Variants in PPP2CA observed in about 807,000 individuals in gnomAD.
PPP2CA encodes serine/threonine-protein phosphatase 2A catalytic subunit alpha isoform.
Under a neutral mutation model 38.8 loss-of-function variants are expected in PPP2CA, and 5 were observed. The ratio of observed to expected loss-of-function variants is 0.13; its 90% CI spans 0.07 to 0.27. The LOEUF (loss-of-function observed/expected upper bound fraction) is 0.27, where lower values mean the gene tolerates loss of function less well. Among genes scored for constraint, PPP2CA ranks in the 10% least tolerant of loss-of-function variants. The pLI, the probability that PPP2CA is intolerant of heterozygous loss-of-function variation, is 1.00. For missense variants in PPP2CA, 88 were observed against 389.7 expected, an observed-to-expected ratio of 0.23 and a Z score of 6.52; for synonymous variants, 152 against 134.0, an observed-to-expected ratio of 1.13 and a Z score of -0.93.
chr5:134,196,036 G>C lies in PPP2CA; in HGVS notation c.*1736C>G, dbSNP rs968998836. 7 of 152,190 alleles carry C rather than the reference G, an allele frequency of 4.6e-5. No homozygotes were observed. The highest frequency in any genetic ancestry group is 2.6e-4 in the Admixed American group (4 of 15,280). The allele number at this position is 152,190 out of a possible 1,614,324, so 9.4% of individuals were successfully genotyped here. On this transcript the variant is annotated 3_prime_UTR_variant, in exon 7 of 7. Transcript: ENST00000481195. ...CGGAGAGAAAGGGCATAGAGTGACA[G>C]AGCAACAAAAAGACACACAGAGAAT...
intron 2 of PPP2CA, among the ~76,000 whole-genome samples, chr5:134,204,917 T>C (rs1762045717): frequency 6.7e-6 from 1 of 149,778 alleles, no homozygotes; most frequent in Non-Finnish European, 1.5e-5. Flanking sequence ...TTCTTTTTTT[T>C]CTTGAACTTC....
intron 1 of PPP2CA, among the ~76,000 whole-genome samples, chr5:134,210,980 C>A (rs1666484818): frequency 6.6e-6 from 1 of 152,182 alleles, no homozygotes; most frequent in African/African-American, 2.4e-5. Context: ...TGAGGCGATT[C>A]TCTTAGTAAG....
Position 134,205,954 on chromosome 5 carries a change from C to T in PPP2CA, c.280G>A (p.Val94Ile). The T allele has an allele frequency of 6.2e-7, 1 of 1,614,078 alleles. No individual in the cohort carries two copies. Among genetic ancestry groups the T allele is most frequent in the Non-Finnish European group, 8.5e-7 (1 of 1,179,960 alleles). ...GDYVDRGYYSVETVTLLVALK... is the reference protein window; with the variant it reads ...GDYVDRGYYSIETVTLLVALK... ...GCTACAAGCAGTGTAACTGTTTCAA[C>T]TGAATAATATCCTCTGTCAACATAA... Residue 94 changes from valine to isoleucine, a missense_variant, in exon 2 of 7, where the codon GTT becomes ATT. Around this residue, in one of 4 missense-constraint regions of PPP2CA, gnomAD observed 12 missense variants for 20.6 expected, o/e 0.58. Transcript: ENST00000481195.
chr5:134,199,034 A>C (rs1253859043), intron 6 of PPP2CA, 52 bp downstream of exon 6: 2 of 1,428,620 alleles, frequency 1.4e-6, no homozygotes, highest in Non-Finnish European at 2.0e-6. Context: ...TAAATAAACC[A>C]AAACCCTACA....
chr5:134,222,421 G>T (rs1242433111), intron 1 of PPP2CA, among the ~76,000 whole-genome samples: 3 of 152,012 alleles, frequency 2.0e-5, no homozygotes, highest in Non-Finnish European at 4.4e-5. Context: ...GAAGCAGTTT[G>T]TTTTTTCCAT....
In PPP2CA at chr5:134,197,860, G is replaced by C. The variant is rs374292745; in HGVS notation, c.858-16C>G. On this transcript the variant is annotated splice_polypyrimidine_tract_variant and intron_variant, in intron 6 of 6. Transcript: ENST00000481195. ...AAACTGCAAGCTGAAAAACAAGACCGATTCATGGTTTATGTTCCACGACCT... is the reference window on the plus strand; with the variant it reads ...AAACTGCAAGCTGAAAAACAAGACCCATTCATGGTTTATGTTCCACGACCT... The C allele has an allele frequency of 6.2e-7, 1 of 1,611,262 alleles. No individual in the cohort carries two copies. The highest frequency in any genetic ancestry group is 8.5e-7 in the Non-Finnish European group (1 of 1,177,684).
At chr5:134,214,340 G>C (rs1187629190) in intron 1 of PPP2CA, among the ~76,000 whole-genome samples, 1 of 152,066 alleles carries the variant, frequency 6.6e-6, no homozygotes, top group Non-Finnish European at 1.5e-5. Flanking sequence ...ACATTATAGT[G>C]ATTTTTTAAA....
At chr5:134,222,065 C>T (rs1397421876) in intron 1 of PPP2CA, among the ~76,000 whole-genome samples, 1 of 152,010 alleles carries the variant, frequency 6.6e-6, no homozygotes. Flanking sequence ...CTAACACTAC[C>T]TCTGAAAACA....
At position 134,210,124 on chromosome 5, in the gene PPP2CA, AAAAAC is replaced by A. The variant is rs762041137; in HGVS notation, c.103-3998_103-3994del. Among the ~76,000 whole-genome samples, 66 of 152,128 alleles carry A rather than the reference AAAAAC, an allele frequency of 4.3e-4. No homozygotes were observed. In the South Asian group the frequency reaches 5.8e-3, roughly 13 times the overall value. On this transcript the variant is annotated intron_variant, in intron 1 of 6. Transcript: ENST00000481195. ...ACAGCCATCTCAAAAAAAAAAAACT[AAAAAC>A]AAAATAAAGATAAGCTGTGCTATCA...
intron 1 of PPP2CA, among the ~76,000 whole-genome samples, chr5:134,206,810 AG>A (rs1762093454): frequency 6.6e-6 from 1 of 152,204 alleles, no homozygotes; most frequent in South Asian, 2.1e-4. Context: ...CATACCTGTG[AG>A]AAAATCATTT....
At chr5:134,214,380 T>C (rs1353387719) in intron 1 of PPP2CA, among the ~76,000 whole-genome samples, 1 of 152,222 alleles carries the variant, frequency 6.6e-6, no homozygotes, top group Non-Finnish European at 1.5e-5. Flanking sequence ...AATAGACCTA[T>C]ACGTGTACAG....
intron 1 of PPP2CA, among the ~76,000 whole-genome samples, chr5:134,209,446 G>A (rs1762154580): frequency 6.6e-6 from 1 of 152,176 alleles, no homozygotes; most frequent in East Asian, 1.9e-4. Flanking sequence ...CACCAGAACA[G>A]TAGAACAATA....
intron 1 of PPP2CA, among the ~76,000 whole-genome samples, chr5:134,215,111 T>C (rs1762289199): frequency 6.6e-6 from 1 of 151,316 alleles, no homozygotes; most frequent in South Asian, 2.1e-4. Flanking sequence ...TTTTTTTTTT[T>C]TTTGAGACAA....
At chr5:134,225,428 C>T (rs1762549751) in intron 1 of PPP2CA, 1 of 248,520 alleles carries the variant, frequency 4.0e-6, no homozygotes, top group South Asian at 5.3e-5. Context: ...CCGCAGAATC[C>T]AAGCCAGCTC....
In PPP2CA at chr5:134,197,332, A is replaced by ACT. The variant is rs1186485023; in HGVS notation, c.*439_*440insAG. ...AACAATTTCAAAACTCACAAGTAGA[A>ACT]GGGAGGCCTTGGTAATTATTTTTAA... On this transcript the variant is annotated 3_prime_UTR_variant, in exon 7 of 7. Transcript: ENST00000481195. 6.4e-6 allele frequency: 1 copy of ACT among 155,666 alleles called. No individual in the cohort carries two copies. The highest frequency in any genetic ancestry group is 2.4e-5 in the African/African-American group (1 of 41,512). 9.6% of individuals were successfully genotyped at this position (155,666 alleles called of 1,614,324 possible). A position where few individuals can be genotyped will look rare whatever the true frequency, so the allele number is the denominator to read the frequency against.
chr5:134,213,688 CAGA>C (rs1762256748), intron 1 of PPP2CA, among the ~76,000 whole-genome samples: 1 of 151,804 alleles, frequency 6.6e-6, no homozygotes, highest in African/African-American at 2.4e-5. Context: ...GAGGCTAAGG[CAGA>C]AGAATCACTT....
At chr5:134,215,599 T>C (rs578138146) in intron 1 of PPP2CA, among the ~76,000 whole-genome samples, 34 of 84,954 alleles carry the variant, frequency 4.0e-4, no homozygotes, top group Admixed American at 1.4e-3. Flanking sequence ...AAAATAAAAA[T>C]AAAAAAGTAA....
At chr5:134,199,060 G>A in intron 6 of PPP2CA, 26 bp downstream of exon 6, 1 of 1,545,820 alleles carries the variant, frequency 6.5e-7, no homozygotes, top group Non-Finnish European at 8.9e-7. Flanking sequence ...AGTAATGCAA[G>A]AAAATGTTCA....
rs1402403327 is a variant in PPP2CA at position 134,201,878 on chromosome 5, A to G, written c.456T>C (p.Tyr152=). ...CATCCACCAAGGCAGTGAGAGGAAG[A>G]TAGTCAAAAAGATCTGTAAAATATT... ...VWKYFTDLFD[Y]LPLTALVDGQ... is the part of the protein sequence containing the mutation. The change falls in exon 3 of 7, where the codon TAT becomes TAC. Residue 152 remains tyrosine, a synonymous_variant. Transcript: ENST00000481195. 3 of 1,613,894 alleles carry G rather than the reference A, an allele frequency of 1.9e-6. No individual in the cohort carries two copies. The highest frequency in any genetic ancestry group is 1.6e-4 in the Middle Eastern group (1 of 6,062).
Sources: allele counts gnomAD v4.1 joint callset (sites outside exome capture counted in the v4.1 genomes callset), GRCh38; gene constraint gnomAD v4.1.1; regional missense constraint gnomAD v4.1.1; transcripts MANE v1.5; gene names NCBI Gene and HGNC (gene_info 2026-07-23, HGNC 2026-07-21).